MAML2: variants seen among roughly 807,000 people sequenced by gnomAD.
MAML2 encodes the protein mastermind-like protein 2.
A neutral mutation model predicts 96.1 loss-of-function variants in MAML2; 22 were observed. The observed-to-expected ratio is 0.23, with a 90% confidence interval of 0.16 to 0.33. The LOEUF is 0.33. Among genes scored for constraint, MAML2 ranks in the 10% least tolerant of loss-of-function variants. The pLI, the probability that MAML2 is intolerant of heterozygous loss-of-function variation, is 1.00. For missense variants in MAML2, 1,367 were observed against 1,392.4 expected, an observed-to-expected ratio of 0.98 and a Z score of 0.29; for synonymous variants, 561 against 521.3, an observed-to-expected ratio of 1.08 and a Z score of -1.04.
chr11:96,122,002 G>A (rs974423012), intron 1 of MAML2, among the ~76,000 whole-genome samples: 6 of 107,958 alleles, frequency 5.6e-5, no homozygotes, highest in African/African-American at 2.2e-4. Context: ...AGTAGAGACG[G>A]GGTTTCACTG....
chr11:96,285,190 T>G (rs1452377919), intron 1 of MAML2, among the ~76,000 whole-genome samples: 2 of 152,226 alleles, frequency 1.3e-5, no homozygotes, highest in Non-Finnish European at 2.9e-5. Context: ...CGTCTACTCA[T>G]ATTTCTACTG....
intron 1 of MAML2, among the ~76,000 whole-genome samples, chr11:96,170,593 G>T (rs186012268): frequency 6.6e-6 from 1 of 151,218 alleles, no homozygotes; most frequent in Non-Finnish European, 1.5e-5. Flanking sequence ...TCACAAAGAA[G>T]GGGTAGATGT....
chr11:96,067,536 A>C (rs1590991370), intron 2 of MAML2, among the ~76,000 whole-genome samples: 1 of 152,170 alleles, frequency 6.6e-6, no homozygotes, highest in South Asian at 2.1e-4. Flanking sequence ...TCTATGCAGG[A>C]TAAGTCAAGA....
At chr11:96,071,666 C>T (rs1859346240) in intron 2 of MAML2, among the ~76,000 whole-genome samples, 1 of 152,196 alleles carries the variant, frequency 6.6e-6, no homozygotes, top group Admixed American at 6.5e-5. Flanking sequence ...GTTCTGTAAC[C>T]TCATGGACTG....
intron 2 of MAML2, among the ~76,000 whole-genome samples, chr11:96,055,216 C>T (rs182995493): frequency 9.9e-5 from 15 of 152,182 alleles, no homozygotes; most frequent in Admixed American, 3.3e-4. Flanking sequence ...AAGAGTCATA[C>T]TTCTCTCTTG....
At chr11:96,042,401 G>A (rs961959229) in intron 2 of MAML2, among the ~76,000 whole-genome samples, 3 of 152,142 alleles carry the variant, frequency 2.0e-5, no homozygotes, top group Non-Finnish European at 4.4e-5. Flanking sequence ...GATTACAGGC[G>A]TGAGCCAGTG....
intron 2 of MAML2, among the ~76,000 whole-genome samples, chr11:96,035,286 C>T (rs1213799845): frequency 3.9e-5 from 6 of 152,142 alleles, no homozygotes; most frequent in Non-Finnish European, 8.8e-5. Context: ...CTATGCGAAG[C>T]CAACCATAAG....
At position 96,151,994 on chromosome 11, in the gene MAML2, G is replaced by A. The variant is rs182974291; in HGVS notation, c.514-58477C>T. On this transcript the variant is annotated intron_variant, in intron 1 of 4. Coordinates refer to ENST00000524717, the MANE Select transcript of MAML2 (RefSeq NM_032427.4). ...CACTTTGGGAGGCCAAGGCAAGAGG[G>A]CTGCTTGCACTTGAGGCTAGGAGTT... Among the ~76,000 whole-genome samples the A allele has an allele frequency of 3.2e-3, 481 of 152,254 alleles. 2 individuals carry two copies. Among genetic ancestry groups the A allele is most frequent in the Middle Eastern group, 0.01 (3 of 294 alleles).
At chr11:96,184,478 A>C in intron 1 of MAML2, among the ~76,000 whole-genome samples, 1 of 149,826 alleles carries the variant, frequency 6.7e-6, no homozygotes, top group Non-Finnish European at 1.5e-5. Flanking sequence ...AAATAAATAA[A>C]AATAATGCAT....
chr11:96,284,718 G>A (rs914113969), intron 1 of MAML2, among the ~76,000 whole-genome samples: 3 of 152,158 alleles, frequency 2.0e-5, no homozygotes, highest in Admixed American at 2.0e-4. Flanking sequence ...AGCAACCGCA[G>A]TTTAGAATTG....
intron 1 of MAML2, among the ~76,000 whole-genome samples, chr11:96,220,595 A>T (rs1862121378): frequency 6.6e-6 from 1 of 152,200 alleles, no homozygotes; most frequent in East Asian, 1.9e-4. Context: ...TTGTTACAAA[A>T]TGCAATGTAA....
chr11:96,086,377 A>G (rs573558695), intron 2 of MAML2, among the ~76,000 whole-genome samples: 1 of 152,196 alleles, frequency 6.6e-6, no homozygotes, highest in South Asian at 2.1e-4. Flanking sequence ...AAGAGAATGA[A>G]TGAATTTTCT....
chr11:96,091,758 C>T (rs922269495), intron 2 of MAML2, 134 bp downstream of exon 2: 3 of 1,315,450 alleles, frequency 2.3e-6, no homozygotes, highest in Non-Finnish European at 3.1e-6. Context: ...ATGAGGTCTT[C>T]ATATGACTCC....
At chr11:96,053,133 C>T (rs1859013204) in intron 2 of MAML2, among the ~76,000 whole-genome samples, 1 of 152,210 alleles carries the variant, frequency 6.6e-6, no homozygotes, top group Admixed American at 6.5e-5. Context: ...AATTCAAAGT[C>T]ATTAATTGTT....
chr11:96,231,514 C>T (rs1490133055), intron 1 of MAML2, among the ~76,000 whole-genome samples: 1 of 152,164 alleles, frequency 6.6e-6, no homozygotes, highest in Non-Finnish European at 1.5e-5. Context: ...CAATGAGATG[C>T]ACCCTGAGGA....
chr11:96,088,763 G>T (rs73523529), intron 2 of MAML2, among the ~76,000 whole-genome samples: 11,186 of 152,112 alleles, frequency 0.074, 1,062 homozygotes, highest in African/African-American at 0.22. Context: ...CCATCTCTCA[G>T]GCATCATTTA....
chr11:95,979,690 C>T lies in MAML2; in HGVS notation c.2729G>A (p.Arg910Gln), dbSNP rs762982174. The change falls in exon 5 of 5, where the codon CGG becomes CAG. Residue 910 changes from arginine (R) to glutamine (Q), a missense_variant. Transcript: ENST00000524717. ...LANQNNPMMP[R>Q]PPTLGPSNNN... ...ATTACTTGGCCCTAAGGTAGGTGGC[C>T]GTGGCATCATAGGGTTGTTTTGATT... 1.7e-5 allele frequency: 27 copies of T among 1,613,690 alleles called. No individual in the cohort carries two copies. The highest frequency in any genetic ancestry group is 6.7e-5 in the East Asian group (3 of 44,884).
chr11:96,025,376 C>T (rs931080813), intron 2 of MAML2, among the ~76,000 whole-genome samples: 1 of 151,952 alleles, frequency 6.6e-6, no homozygotes, highest in South Asian at 2.1e-4. Flanking sequence ...AAGATGGGAA[C>T]GACAGGTACT....
intron 1 of MAML2, among the ~76,000 whole-genome samples, chr11:96,196,233 T>C (rs1365392963): frequency 6.6e-6 from 1 of 152,190 alleles, no homozygotes; most frequent in Non-Finnish European, 1.5e-5. Flanking sequence ...TCATTGTTCG[T>C]GTGTTTCCTT....
Sources: gnomAD v4.1 joint callset for allele counts (sites outside exome capture counted in the v4.1 genomes callset) on GRCh38, gnomAD v4.1.1 for gene constraint, MANE v1.5 for transcripts, NCBI Gene and HGNC (gene_info 2026-07-23, HGNC 2026-07-21) for gene names.